The following ATP11A variants were observed in gnomAD, a reference collection of about 807,000 sequenced individuals.
ATP11A encodes the protein ATPase phospholipid transporting 11A, also known as phospholipid-transporting ATPase IH.
A neutral mutation model predicts 154.4 loss-of-function variants in ATP11A; 81 were observed. That is an observed-to-expected ratio of 0.52 (90% CI 0.44 to 0.63). ATP11A has a LOEUF of 0.63. Ranked by LOEUF, ATP11A falls within the 30% of genes least tolerant of loss-of-function variation. ATP11A has a pLI of 0.00. For synonymous variants in ATP11A, 623 were observed against 585.9 expected, an observed-to-expected ratio of 1.06 and a Z score of -0.91; for missense variants, 1,316 against 1,474.3, an observed-to-expected ratio of 0.89 and a Z score of 1.76.
At chr13:112,820,852 A>G (rs950990952) in intron 8 of ATP11A, among the ~76,000 whole-genome samples, 3 of 152,236 alleles carry the variant, frequency 2.0e-5, no homozygotes, top group South Asian at 4.1e-4. Flanking sequence ...TAAACAACAC[A>G]TCTCCCAGAC....
At chr13:112,803,401 A>G (rs2078189805) in intron 2 of ATP11A, among the ~76,000 whole-genome samples, 1 of 152,142 alleles carries the variant, frequency 6.6e-6, no homozygotes, top group African/African-American at 2.4e-5. Context: ...AGGAGCCAGA[A>G]CCCACCTTCG....
At chr13:112,829,363 A>G (rs894989136) in intron 12 of ATP11A, among the ~76,000 whole-genome samples, 1 of 152,258 alleles carries the variant, frequency 6.6e-6, no homozygotes, top group South Asian at 2.1e-4. Context: ...ATTCAGCAGC[A>G]TACAAAAGGA....
chr13:112,740,335 C>G (rs796161334), intron 1 of ATP11A, among the ~76,000 whole-genome samples: 1 of 151,992 alleles, frequency 6.6e-6, no homozygotes, highest in Non-Finnish European at 1.5e-5. Context: ...CCACCACACC[C>G]GGCTAATTTT....
intron 1 of ATP11A, among the ~76,000 whole-genome samples, chr13:112,727,854 C>G (rs1383783018): frequency 6.6e-6 from 1 of 152,240 alleles, no homozygotes; most frequent in Non-Finnish European, 1.5e-5. Flanking sequence ...GAACTCGGCT[C>G]CAGGTGCATC....
chr13:112,735,916 C>T (rs1393570938), intron 1 of ATP11A, among the ~76,000 whole-genome samples: 2 of 152,238 alleles, frequency 1.3e-5, no homozygotes, highest in Non-Finnish European at 1.5e-5. Context: ...TCCTCCATGC[C>T]TCCGTGTGCG....
intron 6 of ATP11A, 135 bp downstream of exon 6, chr13:112,816,346 A>G (rs2078645614): frequency 8.9e-7 from 1 of 1,128,966 alleles, no homozygotes; most frequent in Admixed American, 3.0e-5. Context: ...TACACCAGCC[A>G]TGTTTTTCCT....
Position 112,859,926 on chromosome 13 carries a change from CAT to C in ATP11A, c.2728-360_2728-359del, listed in dbSNP as rs1206604288. ...CCTAGATGGACACCTCCTTCTGTCA[CAT>C]GTGTGCTCAGTGGTTGGCGGGCCAG... On this transcript the variant is annotated intron_variant, in intron 23 of 29. Transcript: ENST00000375645. This position sits in a 1 kb window ranked among gnomAD's most constrained non-coding sequence, Gnocchi z 4.3. 4.6e-5 allele frequency among the ~76,000 whole-genome samples: 7 copies of C among 152,228 alleles called. No homozygotes were observed. Among genetic ancestry groups the C allele is most frequent in the African/African-American group, 1.2e-4 (5 of 41,462 alleles).
intron 1 of ATP11A, among the ~76,000 whole-genome samples, chr13:112,757,876 G>A (rs1316799518): frequency 6.6e-6 from 1 of 152,188 alleles, no homozygotes; most frequent in Non-Finnish European, 1.5e-5. Context: ...CGAGGTTCTG[G>A]CAAGAGTGAG....
intron 2 of ATP11A, among the ~76,000 whole-genome samples, chr13:112,794,287 C>A (rs998559421): frequency 6.6e-6 from 1 of 152,196 alleles, no homozygotes; most frequent in Non-Finnish European, 1.5e-5. Flanking sequence ...TACAATTCAA[C>A]AACGATGAGC....
chr13:112,815,469 A>G (rs1298837747), intron 5 of ATP11A, among the ~76,000 whole-genome samples: 1 of 152,110 alleles, frequency 6.6e-6, no homozygotes, highest in East Asian at 1.9e-4. Context: ...CTTCAGACAC[A>G]CAGTCCAGAC....
chr13:112,825,599 C>T lies in ATP11A; in HGVS notation c.1023+19C>T, dbSNP rs778107638. On this transcript the variant is annotated intron_variant, in intron 11 of 29. Coordinates refer to ENST00000375645, the MANE Select transcript of ATP11A (RefSeq NM_015205.3). The stretch of plus-strand genomic sequence containing the variant: ...GAATCTGGTATGGAGAATCACTGCC[C>T]TTGTATGATCCGAGGTGACCTGTGG... The T allele has an allele frequency of 2.5e-6, 4 of 1,604,038 alleles. No individual in the cohort carries two copies. Among genetic ancestry groups the T allele is most frequent in the Non-Finnish European group, 3.4e-6 (4 of 1,175,986 alleles).
intron 17 of ATP11A, among the ~76,000 whole-genome samples, chr13:112,848,006 G>A (rs771864483): frequency 6.6e-6 from 1 of 152,156 alleles, no homozygotes; most frequent in African/African-American, 2.4e-5. Context: ...TGGAAGGGTC[G>A]CTTGAGCACA....
chr13:112,795,853 C>T (rs1594726698), intron 2 of ATP11A, among the ~76,000 whole-genome samples: 1 of 152,184 alleles, frequency 6.6e-6, no homozygotes, highest in Non-Finnish European at 1.5e-5. Flanking sequence ...GTTGTATACA[C>T]AAGAAAACTA....
intron 1 of ATP11A, among the ~76,000 whole-genome samples, chr13:112,710,057 G>A (rs1887566827): frequency 6.6e-6 from 1 of 152,362 alleles, no homozygotes; most frequent in East Asian, 1.9e-4. Flanking sequence ...CATCAGCCAT[G>A]GTGAGGGCCT....
intron 24 of ATP11A, among the ~76,000 whole-genome samples, chr13:112,862,016 C>CGTAAGGTGTCACAGCAGGT (rs2080120131): frequency 1.1e-5 from 1 of 93,060 alleles, no homozygotes; most frequent in Non-Finnish European, 2.5e-5. Flanking sequence ...TCACAGCAGG[C>CGTAAGGTGTCACAGCAGGT]GTAAGGCGTC....
chr13:112,841,418 T>G (rs192620592), intron 16 of ATP11A, among the ~76,000 whole-genome samples: 61 of 147,644 alleles, frequency 4.1e-4, no homozygotes, highest in African/African-American at 1.4e-3. Flanking sequence ...GCCACGTGGC[T>G]TCGCCGTCCA....
chr13:112,848,244 T>G (rs2079661591), intron 17 of ATP11A, among the ~76,000 whole-genome samples: 1 of 152,260 alleles, frequency 6.6e-6, no homozygotes, highest in Non-Finnish European at 1.5e-5. Flanking sequence ...TATAATTTCT[T>G]TCAGCAAACT....
At position 112,859,291 on chromosome 13, in the gene ATP11A, G is replaced by A; in HGVS notation, c.2668-102G>A. 2.3e-6 allele frequency: 2 copies of A among 878,134 alleles called. No homozygotes were observed. The highest frequency in any genetic ancestry group is 3.9e-6 in the Non-Finnish European group (2 of 510,592). The allele number at this position is 878,134 out of a possible 1,614,324, so 54.4% of individuals were successfully genotyped here. Reference sequence around the variant, plus strand: ...AGTGCTGTTCTGCCGCACGCTGGGTGCACGTGGATCCCTCCTCCCATGTGG... The same window carrying A: ...AGTGCTGTTCTGCCGCACGCTGGGTACACGTGGATCCCTCCTCCCATGTGG... On this transcript the variant is annotated intron_variant, in intron 22 of 29. Transcript: ENST00000375645. The surrounding 1 kb of genome is among the most constrained non-coding windows in gnomAD (Gnocchi z 4.3).
At chr13:112,844,797 T>TCGGGC (rs1465849786) in intron 17 of ATP11A, among the ~76,000 whole-genome samples, 1 of 123,844 alleles carries the variant, frequency 8.1e-6, no homozygotes, top group African/African-American at 4.5e-5. Context: ...TTGCCGGGTG[T>TCGGGC]TAGTGGTACT....
Sources: gnomAD v4.1 joint callset for allele counts (sites outside exome capture counted in the v4.1 genomes callset) on GRCh38, gnomAD v4.1.1 for gene constraint, Gnocchi (gnomAD v3.1) non-coding constraint, MANE v1.5 for transcripts, NCBI Gene and HGNC (gene_info 2026-07-23, HGNC 2026-07-21) for gene names.